The following PDE3A variants were observed in gnomAD, a reference collection of about 807,000 sequenced individuals.
The protein encoded by PDE3A is cGMP-inhibited 3',5'-cyclic phosphodiesterase 3A.
PDE3A carries 43 observed loss-of-function variants against 98.3 expected under a neutral mutation model. The ratio of observed to expected loss-of-function variants is 0.44; its 90% CI spans 0.34 to 0.56. The LOEUF (loss-of-function observed/expected upper bound fraction) is 0.56. Ranked by LOEUF, PDE3A falls within the 20% of genes least tolerant of loss-of-function variation. The pLI is 0.01. For synonymous variants in PDE3A, 663 were observed against 567.9 expected (o/e 1.17, Z -2.38); for missense variants, 1,427 against 1,440.7 (o/e 0.99, Z 0.15).
chr12:20,504,558 G>C (rs1243174595), intron 1 of PDE3A, among the ~76,000 whole-genome samples: 2 of 151,892 alleles, frequency 1.3e-5, no homozygotes, highest in Non-Finnish European at 2.9e-5. Context: ...GTCTGACATG[G>C]ACCATACGGA....
intron 1 of PDE3A, among the ~76,000 whole-genome samples, chr12:20,493,483 A>G (rs1373209179): frequency 6.6e-6 from 1 of 152,214 alleles, no homozygotes; most frequent in Non-Finnish European, 1.5e-5. Flanking sequence ...TGCACATACT[A>G]TGCTATTTAT....
At chr12:20,581,547 C>T (rs1943064482) in intron 2 of PDE3A, among the ~76,000 whole-genome samples, 1 of 151,660 alleles carries the variant, frequency 6.6e-6, no homozygotes, top group African/African-American at 2.4e-5. Flanking sequence ...ACATTATAGA[C>T]GTTACGACTT....
intron 1 of PDE3A, among the ~76,000 whole-genome samples, chr12:20,543,441 A>C (rs2121226879): frequency 6.6e-6 from 1 of 152,110 alleles, no homozygotes; most frequent in African/African-American, 2.4e-5. Context: ...CCCAAAGAGT[A>C]GCCTTTTGCT....
rs770449372 is a variant in PDE3A, at chr12:20,369,623, G to A, written c.339G>A (p.Pro113=). The change falls in exon 1 of 16, where the codon CCG becomes CCA. Residue 113 remains proline (P), a synonymous_variant. Coordinates refer to ENST00000359062, the MANE Select transcript of PDE3A (RefSeq NM_000921.5). The part of the protein sequence containing the change: ...AAPGAEGGVF[P]GPRGGAPGGG... ...CGGGAGCAGAAGGGGGCGTCTTCCC[G>A]GGGCCTCGGGGAGGTGCTCCCGGGG... The A allele has an allele frequency of 8.9e-6, 14 of 1,581,078 alleles. No homozygotes were observed. The highest frequency in any genetic ancestry group is 9.4e-6 in the Non-Finnish European group (11 of 1,164,412).
intron 2 of PDE3A, among the ~76,000 whole-genome samples, chr12:20,576,189 A>G (rs1452574398): frequency 6.6e-6 from 1 of 152,042 alleles, no homozygotes; most frequent in African/African-American, 2.4e-5. Context: ...TAGAATTATT[A>G]ATTTGCATTT....
At chr12:20,370,813 G>T (rs1425732937) in intron 1 of PDE3A, among the ~76,000 whole-genome samples, 1 of 152,164 alleles carries the variant, frequency 6.6e-6, no homozygotes, top group Admixed American at 6.5e-5. Flanking sequence ...AGTTTTATTT[G>T]GAGAGACTGC....
chr12:20,550,885 C>A (rs1245995089), intron 1 of PDE3A, among the ~76,000 whole-genome samples: 1 of 151,522 alleles, frequency 6.6e-6, no homozygotes, highest in African/African-American at 2.4e-5. Flanking sequence ...GAGTAATTTC[C>A]CTTTTGTTGG....
rs557549520 is a variant in PDE3A at position 20,368,802 on chromosome 12, T to TGCAGC, written c.-470_-466dup. On this transcript the variant is annotated 5_prime_UTR_variant, in exon 1 of 16. The change creates a premature stop within an existing upstream ORF in the 5' untranslated region. Coordinates refer to ENST00000359062, the MANE Select transcript of PDE3A (RefSeq NM_000921.5). Reference sequence around the variant, plus strand: ...TCCATCTGCCGCGGGCCCGGCGCGCTGCAGCGCAGCGCAGCGCCGAGCTGC... The same window carrying TGCAGC: ...TCCATCTGCCGCGGGCCCGGCGCGCTGCAGCGCAGCGCAGCGCAGCGCCGAGCTGC... Among the ~76,000 whole-genome samples the TGCAGC allele has an allele frequency of 2.4e-4, 37 of 151,840 alleles. No individual in the cohort carries two copies. The South Asian group carries it at 4.2e-3, about 17-fold the overall frequency.
chr12:20,513,395 G>A (rs566189742), intron 1 of PDE3A, among the ~76,000 whole-genome samples: 19 of 152,226 alleles, frequency 1.2e-4, no homozygotes, highest in Non-Finnish European at 2.4e-4. Context: ...AAGAGAATTT[G>A]TTTTTGAAAG....
At chr12:20,482,798 T>C (rs919222275) in intron 1 of PDE3A, among the ~76,000 whole-genome samples, 3 of 152,236 alleles carry the variant, frequency 2.0e-5, no homozygotes, top group African/African-American at 7.2e-5. Context: ...CAGCAGCTGC[T>C]CTTTTTAAAT....
chr12:20,659,240 T>C (rs1424029112), intron 15 of PDE3A, among the ~76,000 whole-genome samples: 1 of 152,158 alleles, frequency 6.6e-6, no homozygotes, highest in Admixed American at 6.5e-5. Context: ...TCTGTGTCTA[T>C]ATGGTTCAAA....
chr12:20,490,628 C>A (rs74066460), intron 1 of PDE3A, among the ~76,000 whole-genome samples: 1,531 of 152,178 alleles, frequency 0.01, 28 homozygotes, highest in African/African-American at 0.035. Flanking sequence ...CAATTCAAAG[C>A]AAATTTACTA....
chr12:20,431,498 T>C (rs1591924811), intron 1 of PDE3A, among the ~76,000 whole-genome samples: 1 of 152,162 alleles, frequency 6.6e-6, no homozygotes, highest in Admixed American at 6.6e-5. Flanking sequence ...ATGTTTAAGA[T>C]GGGGGCATTT....
At chr12:20,395,817 A>G (rs1444642) in intron 1 of PDE3A, among the ~76,000 whole-genome samples, 35,349 of 151,418 alleles carry the variant, frequency 0.23, 4,403 homozygotes, top group East Asian at 0.42. Context: ...TAAAAATGCC[A>G]AATTATTAAC....
intron 15 of PDE3A, among the ~76,000 whole-genome samples, chr12:20,672,141 G>C (rs993420952): frequency 1.3e-5 from 2 of 149,380 alleles, no homozygotes; most frequent in South Asian, 2.1e-4. Flanking sequence ...AACTTACAAG[G>C]GATGTGAAGG....
chr12:20,473,475 G>A (rs572868238), intron 1 of PDE3A, among the ~76,000 whole-genome samples: 1 of 152,254 alleles, frequency 6.6e-6, no homozygotes, highest in South Asian at 2.1e-4. Context: ...AATTCAGTGT[G>A]TCTTCAACAA....
intron 5 of PDE3A, among the ~76,000 whole-genome samples, chr12:20,625,880 A>G (rs1164003705): frequency 6.6e-6 from 1 of 152,168 alleles, no homozygotes; most frequent in Non-Finnish European, 1.5e-5. Context: ...ATTTCACATT[A>G]GGACAGTTTG....
chr12:20,647,677 T>C (rs1944810295), intron 12 of PDE3A, among the ~76,000 whole-genome samples: 1 of 152,118 alleles, frequency 6.6e-6, no homozygotes, highest in South Asian at 2.1e-4. Context: ...CTTCTTTGCC[T>C]CTTCTATCCC....
At position 20,398,318 on chromosome 12, in the gene PDE3A, A is replaced by G. The variant is rs539706620; in HGVS notation, c.960+28074A>G. Reference sequence around the variant, plus strand: ...TTCACTTTTTTTTTTTTTTGCCTTTAGTGATATTATGGGTAATAGCGATAA... The same window carrying G: ...TTCACTTTTTTTTTTTTTTGCCTTTGGTGATATTATGGGTAATAGCGATAA... On this transcript the variant is annotated intron_variant, in intron 1 of 15. Coordinates refer to ENST00000359062, the MANE Select transcript of PDE3A (RefSeq NM_000921.5). Among the ~76,000 whole-genome samples the G allele has an allele frequency of 1.2e-4, 15 of 125,588 alleles. No homozygotes were observed. In the Admixed American group the frequency reaches 1.2e-3, roughly 10 times the overall value. 82.4% of individuals were successfully genotyped at this position (125,588 alleles called of 152,430 possible). A position where few individuals can be genotyped will look rare whatever the true frequency, so the allele number is the denominator to read the frequency against.
Sources: gnomAD v4.1 joint callset for allele counts (sites outside exome capture counted in the v4.1 genomes callset) on GRCh38, gnomAD v4.1.1 for gene constraint, MANE v1.5 for transcripts, NCBI Gene and HGNC (gene_info 2026-07-23, HGNC 2026-07-21) for gene names.